Variants in SMC3 observed in about 807,000 individuals in gnomAD.
The protein encoded by SMC3 is structural maintenance of chromosomes protein 3.
SMC3 carries 20 observed loss-of-function variants against 171.8 expected under a neutral mutation model. The observed-to-expected ratio is 0.12, with a 90% CI of 0.08 to 0.17. SMC3 has a LOEUF of 0.17. SMC3 is among the 10% of genes least tolerant of loss of function. The pLI is 1.00. For synonymous variants in SMC3, 464 were observed against 451.1 expected (o/e 1.03, Z -0.36); for missense variants, 543 against 1,420.4 (o/e 0.38, Z 9.93).
intron 13 of SMC3, 102 bp from the exon 14 acceptor site, chr10:110,589,503 T>A (rs1309153493): frequency 2.7e-6 from 2 of 749,650 alleles, no homozygotes; most frequent in Non-Finnish European, 4.6e-6. Context: ...CTCCCTCACC[T>A]TTTGTCCGCC....
At chr10:110,600,296 G>T in intron 21 of SMC3, 143 bp from the exon 22 acceptor site, 1 of 633,690 alleles carries the variant, frequency 1.6e-6, no homozygotes, top group Non-Finnish European at 2.8e-6. Flanking sequence ...AATGAAGAAA[G>T]TATAGGGCTT....
At chr10:110,583,323 T>G (rs1861060387) in intron 10 of SMC3, 61 bp from the exon 11 acceptor site, 1 of 1,283,330 alleles carries the variant, frequency 7.8e-7, no homozygotes, top group Admixed American at 1.7e-5. Context: ...GAATTAATGG[T>G]GTCACAATTC....
rs1408700824 is a variant in SMC3 at position 110,605,020 on chromosome 10, A to G, written c.*718A>G. On this transcript the variant is annotated 3_prime_UTR_variant, in exon 29 of 29. Transcript: ENST00000361804. ...TTATCATATCTTGACAATTTTGAAT[A>G]ATATTCACATATTTTGTAGAATGTC... Among the ~76,000 whole-genome samples the G allele has an allele frequency of 6.6e-6, 1 of 152,202 alleles. No individual in the cohort carries two copies. The highest frequency in any genetic ancestry group is 1.5e-5 in the Non-Finnish European group (1 of 68,020).
chr10:110,567,876 C>T, intron 1 of SMC3, 45 bp downstream of exon 1: 5 of 1,611,122 alleles, frequency 3.1e-6, no homozygotes, highest in Non-Finnish European at 3.4e-6. Context: ...CCGGTAAGGG[C>T]CGCTCCTTGA....
At chr10:110,599,584 T>C (rs1458121926) in intron 20 of SMC3, 70 bp from the exon 21 acceptor site, 2 of 1,387,012 alleles carry the variant, frequency 1.4e-6, no homozygotes, top group African/African-American at 1.4e-5. Context: ...AAATATAGAT[T>C]GTTTTAAAAT....
intron 17 of SMC3, among the ~76,000 whole-genome samples, chr10:110,591,869 A>G (rs557740146): frequency 1.1e-4 from 17 of 152,214 alleles, no homozygotes; most frequent in Non-Finnish European, 1.6e-4. Flanking sequence ...TTGTCTTTGA[A>G]GTTTGGGTAA....
intron 17 of SMC3, among the ~76,000 whole-genome samples, chr10:110,591,759 A>G (rs1861207916): frequency 6.6e-6 from 1 of 152,178 alleles, no homozygotes; most frequent in South Asian, 2.1e-4. Context: ...TCTGAAGTTA[A>G]AGCTGAAACC....
At chr10:110,596,036 G>A (rs1861295269) in intron 18 of SMC3, among the ~76,000 whole-genome samples, 1 of 148,174 alleles carries the variant, frequency 6.7e-6, no homozygotes, top group Non-Finnish European at 1.5e-5. Flanking sequence ...GCAGGAGTTC[G>A]AGAACCGCCT....
chr10:110,577,705 GTAT>G, intron 5 of SMC3, 127 bp from the exon 6 acceptor site: 2 of 716,036 alleles, frequency 2.8e-6, no homozygotes, highest in East Asian at 2.7e-5. Flanking sequence ...AGTATTTGTA[GTAT>G]TATTTTTAGT....
rs777391742 is a variant in SMC3 at position 110,600,999 on chromosome 10, G to A, written c.2536-23G>A. The stretch of plus-strand genomic sequence containing the variant: ...GGCAGTCATAACATTTGAAACTAAT[G>A]GAATTTGTATTTTTTGTTACAGGAA... On this transcript the variant is annotated intron_variant, in intron 22 of 28. Transcript: ENST00000361804. 3 of 1,559,470 alleles carry A rather than the reference G, an allele frequency of 1.9e-6. No individual in the cohort carries two copies. The South Asian group carries it at 3.3e-5, about 17-fold the overall frequency.
At chr10:110,578,001 C>A in intron 6 of SMC3, 87 bp downstream of exon 6, 1 of 888,804 alleles carries the variant, frequency 1.1e-6, no homozygotes, top group Non-Finnish European at 1.9e-6. Context: ...TGGTCTCGAA[C>A]TCTTGGCCTC....
rs527241824 is a variant in SMC3 at position 110,602,133 on chromosome 10, A to T, written c.3060A>T (p.Val1020=). Residue 1020 remains valine, a synonymous_variant, in exon 25 of 29, where the codon GTA becomes GTT. Coordinates refer to ENST00000361804, the MANE Select transcript of SMC3 (RefSeq NM_005445.4). ...AATCAATCATGGAACTGATGAATGT[A>T]CTTGAACTTCGGAAATATGAAGCTA... The part of the protein sequence containing the change: ...GYKSIMELMN[V]LELRKYEAIQ... 6.2e-7 allele frequency: 1 copy of T among 1,613,838 alleles called. No individual in the cohort carries two copies. Among genetic ancestry groups the T allele is most frequent in the South Asian group, 1.1e-5 (1 of 91,066 alleles).
intron 13 of SMC3, among the ~76,000 whole-genome samples, chr10:110,587,126 C>G (rs752169632): frequency 1.9e-4 from 29 of 152,058 alleles, no homozygotes; most frequent in Non-Finnish European, 4.1e-4. Flanking sequence ...AGTTTTTAGA[C>G]TTTTCTAACT....
At position 110,574,692 on chromosome 10, in the gene SMC3, C is replaced by CCACACA. The variant is rs59522910; in HGVS notation, c.131-637_131-632dup. On this transcript the variant is annotated intron_variant, in intron 3 of 28. Coordinates refer to ENST00000361804, the MANE Select transcript of SMC3 (RefSeq NM_005445.4). ...GCTGATGTGGGCACCCCCACCACCT[C>CCACACA]CACACACACACAGTGCCAGAGGTCT... Among the ~76,000 whole-genome samples, 33 of 152,052 alleles carry CCACACA rather than the reference C, an allele frequency of 2.2e-4. No individual in the cohort carries two copies. The South Asian group carries it at 6.6e-3, about 31-fold the overall frequency.
intron 18 of SMC3, among the ~76,000 whole-genome samples, chr10:110,595,779 G>C (rs1342425568): frequency 6.6e-6 from 1 of 151,762 alleles, no homozygotes; most frequent in Non-Finnish European, 1.5e-5. Flanking sequence ...TATTACATTG[G>C]TATTGTTATT....
intron 17 of SMC3, among the ~76,000 whole-genome samples, chr10:110,592,278 A>G (rs77794835): frequency 1.1e-4 from 15 of 131,050 alleles, no homozygotes; most frequent in Non-Finnish European, 2.1e-4. Context: ...AAAAAAAAAA[A>G]TTTTATAGAA....
chr10:110,580,020 T>A (rs941071263), intron 7 of SMC3, among the ~76,000 whole-genome samples: 4 of 152,052 alleles, frequency 2.6e-5, no homozygotes, highest in African/African-American at 9.7e-5. Context: ...CAGCCAACCA[T>A]GGATCAAAAA....
intron 13 of SMC3, among the ~76,000 whole-genome samples, chr10:110,585,301 T>G (rs1190433416): frequency 6.6e-6 from 1 of 150,958 alleles, no homozygotes; most frequent in Non-Finnish European, 1.5e-5. Context: ...TTTTTTTTTT[T>G]TTTTTTTAAT....
chr10:110,573,084 A>T (rs1280527416), intron 2 of SMC3, among the ~76,000 whole-genome samples: 1 of 152,156 alleles, frequency 6.6e-6, no homozygotes, highest in Non-Finnish European at 1.5e-5. Context: ...TTTGCTCAGG[A>T]TATTTCTGGC....
Sources: allele counts gnomAD v4.1 joint callset (sites outside exome capture counted in the v4.1 genomes callset), GRCh38; gene constraint gnomAD v4.1.1; transcripts MANE v1.5; gene names NCBI Gene and HGNC (gene_info 2026-07-23, HGNC 2026-07-21).